The following LMNTD1 variants were observed in gnomAD, a reference collection of about 807,000 sequenced individuals.
The protein encoded by LMNTD1 is lamin tail domain containing 1.
In LMNTD1, 35 loss-of-function variants were observed where a neutral mutation model predicts 50.9. The ratio of observed to expected loss-of-function variants is 0.69; its 90% CI spans 0.53 to 0.91. The LOEUF (loss-of-function observed/expected upper bound fraction) is 0.91, where lower values mean the gene tolerates loss of function less well. Ranked by LOEUF, LMNTD1 falls within the 40% of genes least tolerant of loss-of-function variation. The pLI, the probability that LMNTD1 is intolerant of heterozygous loss-of-function variation, is 0.00. For missense variants in LMNTD1, 470 were observed against 475.5 expected (o/e 0.99, Z 0.11); for synonymous variants, 153 against 161.9 (o/e 0.94, Z 0.42).
chr12:25,552,696 A>G (rs1445550194), intron 2 of LMNTD1, among the ~76,000 whole-genome samples, 175 bp downstream of exon 2: 1 of 151,798 alleles, frequency 6.6e-6, no homozygotes, highest in Non-Finnish European at 1.5e-5. Context: ...CTTCTAAAAC[A>G]GTAGTTGTGG....
intron 1 of LMNTD1, among the ~76,000 whole-genome samples, chr12:25,578,413 CT>C (rs958338674): frequency 1.3e-5 from 2 of 151,916 alleles, no homozygotes; most frequent in South Asian, 2.1e-4. Context: ...AACTCCATAG[CT>C]TTTTTTTCCT....
intron 6 of LMNTD1, among the ~76,000 whole-genome samples, chr12:25,523,415 A>G (rs946660033): frequency 2.0e-5 from 3 of 152,212 alleles, no homozygotes; most frequent in Non-Finnish European, 2.9e-5. Context: ...GTCCAGAAAC[A>G]GGTTCTATTC....
At chr12:25,512,131 C>T (rs1940348231) in intron 8 of LMNTD1, among the ~76,000 whole-genome samples, 1 of 152,148 alleles carries the variant, frequency 6.6e-6, no homozygotes, top group Admixed American at 6.5e-5. Flanking sequence ...TAGGAAATAT[C>T]AGAATCTGTC....
intron 8 of LMNTD1, among the ~76,000 whole-genome samples, chr12:25,511,267 GA>G (rs1940271367): frequency 6.6e-6 from 1 of 152,140 alleles, no homozygotes; most frequent in Non-Finnish European, 1.5e-5. Flanking sequence ...GGGAGAAAAT[GA>G]AGATTTTTAA....
intron 1 of LMNTD1, among the ~76,000 whole-genome samples, chr12:25,642,287 G>A (rs1164340117): frequency 6.6e-6 from 1 of 152,182 alleles, no homozygotes; most frequent in Admixed American, 6.5e-5. Context: ...AACCTTCGGA[G>A]GGTAATTAGG....
chr12:25,478,877 AT>A (rs35152375), intron 9 of LMNTD1, among the ~76,000 whole-genome samples: 537 of 147,320 alleles, frequency 3.6e-3, no homozygotes, highest in African/African-American at 0.011. Context: ...GCAGGTCATG[AT>A]TTTTTTTTTT....
At chr12:25,537,543 T>A (rs1453579236) in intron 4 of LMNTD1, among the ~76,000 whole-genome samples, 4 of 151,724 alleles carry the variant, frequency 2.6e-5, no homozygotes, top group Non-Finnish European at 5.9e-5. Flanking sequence ...TAACAAACAG[T>A]AAGGACATCC....
At chr12:25,628,594 G>A (rs1197397972) in intron 1 of LMNTD1, among the ~76,000 whole-genome samples, 1 of 152,150 alleles carries the variant, frequency 6.6e-6, no homozygotes, top group Non-Finnish European at 1.5e-5. Flanking sequence ...TAAAATTGGT[G>A]ACTCTCCTGA....
rs1483223124 is a variant in LMNTD1, at chr12:25,518,870, G to C, written c.1114C>G (p.His372Asp). Residue 372 changes from histidine (H) to aspartate (D), a missense_variant, in exon 8 of 10, where the codon CAC becomes GAC. Physicochemically the swap from His to Asp is moderately conservative, Grantham distance 81. Coordinates refer to ENST00000458174, the MANE Select transcript of LMNTD1 (RefSeq NM_001145728.2). Reference protein sequence around the residue: ...AHPYCPLIEPHNTSTAGGRLD... With the variant: ...AHPYCPLIEPDNTSTAGGRLD... ...CTGCCTCCAGCGGTGGATGTATTGT[G>C]TGGTTCAATCAGAGGACAGTAAGGA... The C allele has an allele frequency of 1.9e-6, 3 of 1,614,008 alleles. No individual in the cohort carries two copies. The highest frequency in any genetic ancestry group is 1.3e-5 in the African/African-American group (1 of 74,914).
At chr12:25,526,713 T>C in intron 5 of LMNTD1, 56 bp downstream of exon 5, 2 of 1,194,686 alleles carry the variant, frequency 1.7e-6, no homozygotes, top group Admixed American at 4.5e-5. Context: ...ACTGTCAGTG[T>C]CAACAAGTTT....
intron 1 of LMNTD1, among the ~76,000 whole-genome samples, chr12:25,637,765 G>A (rs1946866274): frequency 1.3e-5 from 2 of 151,836 alleles, no homozygotes; most frequent in African/African-American, 4.8e-5. Flanking sequence ...GATGGGTAAA[G>A]GATTTGAATA....
chr12:25,632,191 A>G (rs1465690939), intron 1 of LMNTD1, among the ~76,000 whole-genome samples: 7 of 152,234 alleles, frequency 4.6e-5, no homozygotes, highest in Non-Finnish European at 1.0e-4. Flanking sequence ...GGTATTCCTG[A>G]GGAAGAAGAG....
At chr12:25,505,526 TC>T in intron 8 of LMNTD1, among the ~76,000 whole-genome samples, 1 of 152,248 alleles carries the variant, frequency 6.6e-6, no homozygotes, top group East Asian at 1.9e-4. Context: ...TTTTAAAAAG[TC>T]CTGCAGAAAT....
intron 1 of LMNTD1, among the ~76,000 whole-genome samples, chr12:25,584,516 A>C (rs1382303780): frequency 6.6e-6 from 1 of 152,246 alleles, no homozygotes; most frequent in Non-Finnish European, 1.5e-5. Context: ...GACATTTTAT[A>C]GACCTAATCA....
chr12:25,585,383 C>T (rs113619081), intron 1 of LMNTD1, among the ~76,000 whole-genome samples: 5,606 of 152,250 alleles, frequency 0.037, 366 homozygotes, highest in African/African-American at 0.13. Flanking sequence ...CCAAAAATCA[C>T]ATGCTGCTGC....
intron 1 of LMNTD1, among the ~76,000 whole-genome samples, chr12:25,594,651 C>CAAAAAAAAAAAAATAA (rs1945796375): frequency 1.4e-5 from 1 of 69,902 alleles, no homozygotes; most frequent in African/African-American, 5.7e-5. Flanking sequence ...AACAGAAATA[C>CAAAAAAAAAAAAATAA]AAAAAAAAAA....
At chr12:25,578,384 T>C (rs1261318474) in intron 1 of LMNTD1, among the ~76,000 whole-genome samples, 1 of 152,298 alleles carries the variant, frequency 6.6e-6, no homozygotes, top group Non-Finnish European at 1.5e-5. Flanking sequence ...AGTGAGAATG[T>C]GCCAAAAGTA....
Position 25,519,850 on chromosome 12 carries a change from A to G in LMNTD1, c.1016+8T>C. The G allele has an allele frequency of 6.3e-7, 1 of 1,597,840 alleles. No homozygotes were observed. Among genetic ancestry groups the G allele is most frequent in the Non-Finnish European group, 8.6e-7 (1 of 1,167,972 alleles). On this transcript the variant is annotated splice_region_variant and intron_variant, in intron 7 of 9. Transcript: ENST00000458174. ...CCCATTAAAACAAACAAACCAAACA[A>G]CCCTTACCTCTTAAGAAGAACTTGA...
chr12:25,626,326 GTGTGTAT>G (rs1946587576), intron 1 of LMNTD1, among the ~76,000 whole-genome samples: 1 of 136,866 alleles, frequency 7.3e-6, no homozygotes, highest in South Asian at 2.4e-4. Context: ...TTTGTTGTAT[GTGTGTAT>G]ATATATATAC....
Sources: gnomAD v4.1 joint callset for allele counts (sites outside exome capture counted in the v4.1 genomes callset) on GRCh38, gnomAD v4.1.1 for gene constraint, MANE v1.5 for transcripts, NCBI Gene and HGNC (gene_info 2026-07-23, HGNC 2026-07-21) for gene names.